Variants in ZC3H18 observed in about 807,000 individuals in gnomAD.
The protein encoded by ZC3H18 is zinc finger CCCH domain-containing protein 18.
A neutral mutation model predicts 106.1 loss-of-function variants in ZC3H18; 8 were observed. That is an observed-to-expected ratio of 0.08 (90% CI 0.04 to 0.14). ZC3H18 has a LOEUF of 0.14. ZC3H18 is among the 10% of genes least tolerant of loss of function. ZC3H18 has a pLI of 1.00. For synonymous variants in ZC3H18, 635 were observed against 522.1 expected, an observed-to-expected ratio of 1.22 and a Z score of -2.95; for missense variants, 1,318 against 1,278.4, an observed-to-expected ratio of 1.03 and a Z score of -0.47.
chr16:88,593,149 G>A (rs1303935937), intron 3 of ZC3H18, among the ~76,000 whole-genome samples: 2 of 152,188 alleles, frequency 1.3e-5, no homozygotes, highest in African/African-American at 4.8e-5. Flanking sequence ...CTGATGACGT[G>A]GGATGAAATA....
intron 3 of ZC3H18, among the ~76,000 whole-genome samples, chr16:88,589,378 A>T (rs189867305): frequency 2.0e-5 from 3 of 152,258 alleles, no homozygotes; most frequent in Non-Finnish European, 2.9e-5. Flanking sequence ...TCACAGCAGC[A>T]TAATTTCCAG....
At chr16:88,591,528 C>G (rs1428327310) in intron 3 of ZC3H18, among the ~76,000 whole-genome samples, 2 of 151,348 alleles carry the variant, frequency 1.3e-5, no homozygotes, top group African/African-American at 4.9e-5. Flanking sequence ...GCCAAGATCA[C>G]ACCACTGCAC....
intron 4 of ZC3H18, 100 bp from the exon 5 acceptor site, chr16:88,598,520 C>A: frequency 6.9e-7 from 1 of 1,443,922 alleles, no homozygotes. Flanking sequence ...AGCGGCCACA[C>A]ACGGCCGGCT....
chr16:88,575,349 T>C (rs1044827515), intron 1 of ZC3H18, among the ~76,000 whole-genome samples: 2 of 151,978 alleles, frequency 1.3e-5, no homozygotes, highest in African/African-American at 4.8e-5. Flanking sequence ...GTAGTTATCT[T>C]GAGATGAATA....
chr16:88,587,658 C>T (rs1293584544), intron 3 of ZC3H18: 1 of 1,493,122 alleles, frequency 6.7e-7, no homozygotes, highest in Non-Finnish European at 9.0e-7. Flanking sequence ...CTTAAAGTCC[C>T]CCTACTCCAG....
chr16:88,581,891 G>A (rs879707796), intron 2 of ZC3H18, among the ~76,000 whole-genome samples: 4 of 152,304 alleles, frequency 2.6e-5, no homozygotes, highest in Admixed American at 2.6e-4. Context: ...CCTGGCCTGG[G>A]TCTGTCTGCC....
chr16:88,611,356 G>A lies in ZC3H18; in HGVS notation c.1295G>A (p.Arg432Lys). 4 of 894,008 alleles carry A rather than the reference G, an allele frequency of 4.5e-6. No individual in the cohort carries two copies. The South Asian group carries it at 5.6e-5, about 13-fold the overall frequency. The allele number at this position is 894,008 out of a possible 1,614,324, so 55.4% of individuals were successfully genotyped here. A position where few individuals can be genotyped will look rare whatever the true frequency, so the allele number is the denominator to read the frequency against. The change falls in exon 8 of 18, where the codon AGG becomes AAG. Residue 432 changes from arginine to lysine, a missense_variant. Arg to Lys is a conservative substitution (Grantham distance 26). Transcript: ENST00000301011. ...ERDRERERRQ[R>K]ERERERERER... The stretch of plus-strand genomic sequence containing the variant: ...GACCGAGAGCGGGAGCGCCGGCAGA[G>A]GGAGCGCGAGCGAGAGCGGGAGCGC...
intron 3 of ZC3H18, among the ~76,000 whole-genome samples, chr16:88,588,585 G>T (rs1026877835): frequency 3.3e-5 from 5 of 152,218 alleles, no homozygotes; most frequent in Non-Finnish European, 7.3e-5. Context: ...GTCAGAATTG[G>T]AAGGTGGTGC....
chr16:88,576,854 G>A (rs559533439), intron 1 of ZC3H18, among the ~76,000 whole-genome samples: 7 of 152,352 alleles, frequency 4.6e-5, no homozygotes, highest in Admixed American at 1.3e-4. Context: ...GCCAGGCTGC[G>A]TCTCCTTCTG....
intron 11 of ZC3H18, 28 bp from the exon 12 acceptor site, chr16:88,624,574 G>T: frequency 6.2e-7 from 1 of 1,612,572 alleles, no homozygotes; most frequent in Non-Finnish European, 8.5e-7. Flanking sequence ...CACCAGCCCT[G>T]CCCTGCTCGA....
chr16:88,591,660 G>A (rs1265402247), intron 3 of ZC3H18, among the ~76,000 whole-genome samples: 6 of 152,220 alleles, frequency 3.9e-5, no homozygotes, highest in Admixed American at 2.6e-4. Context: ...ACACTTGGGT[G>A]GTTTCCACCT....
rs1906397492 is a variant in ZC3H18, at chr16:88,627,681, C to T, written c.2168C>T (p.Ala723Val). 1 of 1,613,648 alleles carries T rather than the reference C, an allele frequency of 6.2e-7. No individual in the cohort carries two copies. The highest frequency in any genetic ancestry group is 8.5e-7 in the Non-Finnish European group (1 of 1,179,784). The stretch of plus-strand genomic sequence containing the variant: ...AGTGCTACGTCGAGCAGCAGCTCTG[C>T]ACACAGCGTGGACTCGGAGGACATG... ...VSSATSSSSS[A>V]HSVDSEDMYA... Residue 723 changes from alanine to valine, a missense_variant, in exon 14 of 18, where the codon GCA becomes GTA. Ala to Val is a moderately conservative substitution (Grantham distance 64). Transcript: ENST00000301011. This position sits in a 1 kb window ranked among gnomAD's most constrained non-coding sequence, Gnocchi z 4.5.
Position 88,627,582 on chromosome 16 carries a change from A to G in ZC3H18, c.2109-40A>G. Reference sequence around the variant, plus strand: ...GCACCCCCTGCTGGCCCCTCCCTCCAGTCTGGCTGGGGTGTGGTGAGATGT... The same window carrying G: ...GCACCCCCTGCTGGCCCCTCCCTCCGGTCTGGCTGGGGTGTGGTGAGATGT... On this transcript the variant is annotated intron_variant, in intron 13 of 17. Transcript: ENST00000301011. This position sits in a 1 kb window ranked among gnomAD's most constrained non-coding sequence, Gnocchi z 4.5. The G allele has an allele frequency of 1.9e-6, 3 of 1,566,354 alleles. No homozygotes were observed. The highest frequency in any genetic ancestry group is 1.7e-6 in the Non-Finnish European group (2 of 1,150,396).
intron 1 of ZC3H18, among the ~76,000 whole-genome samples, chr16:88,576,343 G>T (rs1479642248): frequency 6.6e-6 from 1 of 152,172 alleles, no homozygotes; most frequent in Non-Finnish European, 1.5e-5. Flanking sequence ...TACCTGGCCA[G>T]CCTCGTCTTT....
At chr16:88,628,615 C>G (rs1013143785) in intron 15 of ZC3H18, 143 bp from the exon 16 acceptor site, 37 of 842,322 alleles carry the variant, frequency 4.4e-5, no homozygotes, top group Non-Finnish European at 1.9e-6. Context: ...AGGCCTCACT[C>G]AGGGCTACGG....
chr16:88,603,908 C>G (rs1027102392), intron 6 of ZC3H18, among the ~76,000 whole-genome samples: 7 of 151,526 alleles, frequency 4.6e-5, no homozygotes, highest in Non-Finnish European at 1.5e-5. Context: ...GCTGGGATTA[C>G]AGGCGTGAGC....
chr16:88,624,635 A>G lies in ZC3H18; in HGVS notation c.1932A>G (p.Pro644=). ...EKSVKKPAPP[P]APPQATKTTA... The stretch of plus-strand genomic sequence containing the variant: ...CAGTGAAGAAGCCGGCCCCGCCTCC[A>G]GCCCCACCACAGGCCACCAAAACCA... Residue 644 remains proline (P), a synonymous_variant, in exon 12 of 18, where the codon CCA becomes CCG. Coordinates refer to ENST00000301011, the MANE Select transcript of ZC3H18 (RefSeq NM_144604.4). 1 of 1,613,916 alleles carries G rather than the reference A, an allele frequency of 6.2e-7. No homozygotes were observed. The highest frequency in any genetic ancestry group is 8.5e-7 in the Non-Finnish European group (1 of 1,179,980).
intron 2 of ZC3H18, among the ~76,000 whole-genome samples, chr16:88,578,083 C>G (rs140791560): frequency 3.3e-5 from 5 of 152,316 alleles, no homozygotes; most frequent in African/African-American, 4.8e-5. Flanking sequence ...AAGTGATACT[C>G]AAGTTAACAC....
intron 3 of ZC3H18, among the ~76,000 whole-genome samples, chr16:88,595,450 A>G (rs570227730): frequency 1.6e-5 from 2 of 128,474 alleles, no homozygotes; most frequent in Non-Finnish European, 3.4e-5. Context: ...TGTTGCTTCT[A>G]TTTTCTGGAT....
Sources: gnomAD v4.1 joint callset for allele counts (sites outside exome capture counted in the v4.1 genomes callset) on GRCh38, gnomAD v4.1.1 for gene constraint, Gnocchi (gnomAD v3.1) non-coding constraint, MANE v1.5 for transcripts, NCBI Gene and HGNC (gene_info 2026-07-23, HGNC 2026-07-21) for gene names.